Variants in RCAN3 observed in about 807,000 individuals in gnomAD.
The protein encoded by RCAN3 is regulator of calcineurin 3.
RCAN3 carries 19 observed loss-of-function variants against 21.9 expected under a neutral mutation model. The ratio of observed to expected loss-of-function variants is 0.87; its 90% CI spans 0.61 to 1.27. The LOEUF (loss-of-function observed/expected upper bound fraction) is 1.27. Ranked by LOEUF, RCAN3 falls within the 50% of genes most tolerant of loss-of-function variation. The pLI is 0.00. For synonymous variants in RCAN3, 114 were observed against 112.3 expected, an observed-to-expected ratio of 1.01 and a Z score of -0.09; for missense variants, 240 against 300.1, an observed-to-expected ratio of 0.80 and a Z score of 1.48.
At position 24,514,348 on chromosome 1, in the gene RCAN3, A is replaced by C. The variant is rs772053139; in HGVS notation, c.-25A>C. The C allele has an allele frequency of 5.0e-6, 8 of 1,599,166 alleles. No individual in the cohort carries two copies. The Admixed American group carries it at 1.4e-4, about 28-fold the overall frequency. On this transcript the variant is annotated 5_prime_UTR_variant, in exon 2 of 5. Coordinates refer to ENST00000374395, the MANE Select transcript of RCAN3 (RefSeq NM_013441.4). ...GATAGACATCCTAGGACTATACAGA[A>C]GGAAAAGGCCCACTTTGGGGGATAA...
chr1:24,509,067 G>C (rs1054485008), intron 1 of RCAN3, among the ~76,000 whole-genome samples: 1 of 152,198 alleles, frequency 6.6e-6, no homozygotes, highest in Middle Eastern at 3.4e-3. Flanking sequence ...AGGCTGAGGT[G>C]GGGGGATCAC....
intron 2 of RCAN3, among the ~76,000 whole-genome samples, chr1:24,517,281 A>AT (rs1167750743): frequency 4.0e-5 from 6 of 151,766 alleles, no homozygotes; most frequent in Non-Finnish European, 7.4e-5. Context: ...TGCCCGGCTA[A>AT]TTTTTTTGTA....
chr1:24,533,993 G>A (rs1650007434), intron 4 of RCAN3, among the ~76,000 whole-genome samples: 1 of 152,036 alleles, frequency 6.6e-6, no homozygotes, highest in Admixed American at 6.6e-5. Flanking sequence ...AGGAATTGGT[G>A]GTGATATCAT....
In RCAN3 at chr1:24,538,382, A is replaced by G. The variant is rs530781412; in HGVS notation, c.*3105A>G. On this transcript the variant is annotated 3_prime_UTR_variant, in exon 5 of 5. Transcript: ENST00000374395. ...TTCAACATAAAGGTTTAAATAAAAT[A>G]TTTTTTATTTTTTATTTTTATTTAT... is the stretch of plus-strand genomic sequence containing the variant. 3.3e-5 allele frequency: 5 copies of G among 151,702 alleles called. No individual in the cohort carries two copies. The East Asian group carries it at 9.7e-4, about 29-fold the overall frequency. The allele number at this position is 151,702 out of a possible 1,614,324, so 9.4% of individuals were successfully genotyped here.
At chr1:24,527,519 GA>G (rs1281640185) in intron 2 of RCAN3, among the ~76,000 whole-genome samples, 1 of 152,128 alleles carries the variant, frequency 6.6e-6, no homozygotes, top group Admixed American at 6.5e-5. Flanking sequence ...AACACTGGAA[GA>G]ATAAATATTG....
chr1:24,527,666 T>C (rs1649386725), intron 2 of RCAN3, among the ~76,000 whole-genome samples: 1 of 152,204 alleles, frequency 6.6e-6, no homozygotes, highest in African/African-American at 2.4e-5. Flanking sequence ...TTGAAAGATC[T>C]TTACATAGGC....
rs759711002 is a variant in RCAN3 at position 24,537,404 on chromosome 1, A to T, written c.*2127A>T. 2 of 152,182 alleles carry T rather than the reference A, an allele frequency of 1.3e-5. No individual in the cohort carries two copies. Among genetic ancestry groups the T allele is most frequent in the African/African-American group, 4.8e-5 (2 of 41,540 alleles). 9.4% of individuals were successfully genotyped at this position (152,182 alleles called of 1,614,324 possible). On this transcript the variant is annotated 3_prime_UTR_variant, in exon 5 of 5. Coordinates refer to ENST00000374395, the MANE Select transcript of RCAN3 (RefSeq NM_013441.4). ...ATAATATAATAAAATGAATTTTTTTAAAAAAGCTACTAAGTACCCATCAAC... is the reference window on the plus strand; with the variant it reads ...ATAATATAATAAAATGAATTTTTTTTAAAAAGCTACTAAGTACCCATCAAC...
intron 2 of RCAN3, among the ~76,000 whole-genome samples, chr1:24,515,427 GGTGTGTGTGTGTGTGTGT>G (rs67348372): frequency 6.8e-6 from 1 of 146,380 alleles, no homozygotes; most frequent in Non-Finnish European, 1.5e-5. Context: ...TAGAAAGAGA[GGTGTGTGTGTGTGTGTGT>G]GTGTGTGTGT....
chr1:24,521,399 T>G (rs531186332), intron 2 of RCAN3, among the ~76,000 whole-genome samples: 18 of 152,134 alleles, frequency 1.2e-4, no homozygotes, highest in Admixed American at 2.0e-4. Flanking sequence ...CCCCATCTCC[T>G]AAAACAAAAC....
At chr1:24,533,612 C>G (rs1478764265) in intron 4 of RCAN3, among the ~76,000 whole-genome samples, 1 of 152,104 alleles carries the variant, frequency 6.6e-6, no homozygotes, top group East Asian at 1.9e-4. Flanking sequence ...CCAACCTGGC[C>G]AACATGGGGA....
intron 4 of RCAN3, among the ~76,000 whole-genome samples, chr1:24,533,611 C>A (rs1257567865): frequency 1.3e-5 from 2 of 152,088 alleles, no homozygotes; most frequent in Non-Finnish European, 2.9e-5. Context: ...ACCAACCTGG[C>A]CAACATGGGG....
At chr1:24,522,230 G>C (rs918917132) in intron 2 of RCAN3, among the ~76,000 whole-genome samples, 5 of 152,006 alleles carry the variant, frequency 3.3e-5, no homozygotes, top group African/African-American at 4.8e-5. Context: ...CACCTGTTTG[G>C]CTCCACTTTA....
intron 2 of RCAN3, among the ~76,000 whole-genome samples, chr1:24,518,387 A>G (rs986826406): frequency 3.3e-5 from 5 of 152,210 alleles, no homozygotes; most frequent in African/African-American, 1.2e-4. Context: ...AATAAACTGT[A>G]AGAAAAATAG....
chr1:24,502,761 C>T (rs1475380082), upstream of RCAN3: 3 of 151,036 alleles, frequency 2.0e-5, no homozygotes, highest in Non-Finnish European at 4.4e-5. Flanking sequence ...CCCGCGCGCC[C>T]CCGCCCCGGT....
intron 2 of RCAN3, among the ~76,000 whole-genome samples, chr1:24,522,542 C>A (rs775092291): frequency 5.3e-5 from 8 of 152,234 alleles, no homozygotes; most frequent in Non-Finnish European, 7.3e-5. Flanking sequence ...CAGTTGCCCA[C>A]AGAGGTGACC....
intron 1 of RCAN3, among the ~76,000 whole-genome samples, chr1:24,512,832 A>G (rs1275975495): frequency 6.6e-6 from 1 of 152,190 alleles, no homozygotes; most frequent in East Asian, 1.9e-4. Context: ...CTTCATTGGA[A>G]GAGGCAGACA....
chr1:24,509,670 C>T (rs186560535), intron 1 of RCAN3, among the ~76,000 whole-genome samples: 36 of 152,316 alleles, frequency 2.4e-4, no homozygotes, highest in African/African-American at 8.2e-4. Flanking sequence ...TTGAACACCT[C>T]AGAGTCATCC....
At chr1:24,508,763 A>G (rs1227434979) in intron 1 of RCAN3, among the ~76,000 whole-genome samples, 1 of 152,250 alleles carries the variant, frequency 6.6e-6, no homozygotes, top group African/African-American at 2.4e-5. Flanking sequence ...CCCAGTGCAT[A>G]TAAAAGTCTT....
Position 24,533,196 on chromosome 1 carries a change from A to G in RCAN3, c.483A>G (p.Glu161=). 1 of 1,607,218 alleles carries G rather than the reference A, an allele frequency of 6.2e-7. No individual in the cohort carries two copies. Among genetic ancestry groups the G allele is most frequent in the South Asian group, 1.1e-5 (1 of 89,896 alleles). The stretch of plus-strand genomic sequence containing the variant: ...CCCCGGTGGGGTGGAAGCAGAGCGA[A>G]GATGCGATGCCTGTTATAAATTATG... ...ASPPVGWKQS[E]DAMPVINYDL... Residue 161 remains glutamate, a synonymous_variant, in exon 4 of 5, where the codon GAA becomes GAG. Coordinates refer to ENST00000374395, the MANE Select transcript of RCAN3 (RefSeq NM_013441.4).
Sources: allele counts gnomAD v4.1 joint callset (sites outside exome capture counted in the v4.1 genomes callset), GRCh38; gene constraint gnomAD v4.1.1; transcripts MANE v1.5; gene names NCBI Gene and HGNC (gene_info 2026-07-23, HGNC 2026-07-21).